The following TCERG1L variants were observed in gnomAD, a reference collection of about 807,000 sequenced individuals.
TCERG1L encodes transcription elongation regulator 1 like.
TCERG1L carries 37 observed loss-of-function variants against 56.3 expected under a neutral mutation model. The observed-to-expected ratio is 0.66, with a 90% CI of 0.51 to 0.87. The LOEUF (loss-of-function observed/expected upper bound fraction) is 0.87. TCERG1L is among the 40% of genes least tolerant of loss of function. The pLI is 0.00. For synonymous variants in TCERG1L, 324 were observed against 326.3 expected (o/e 0.99, Z 0.08); for missense variants, 799 against 774.2 (o/e 1.03, Z -0.38).
chr10:131,214,689 G>A (rs554878926), intron 4 of TCERG1L, among the ~76,000 whole-genome samples: 4 of 152,286 alleles, frequency 2.6e-5, no homozygotes, highest in East Asian at 1.9e-4. Context: ...ATCTGAAGGC[G>A]GAGGGGTGCC....
intron 4 of TCERG1L, among the ~76,000 whole-genome samples, chr10:131,171,863 G>A (rs975811077): frequency 3.9e-5 from 6 of 152,176 alleles, no homozygotes; most frequent in African/African-American, 9.7e-5. Context: ...GAGCCACTGC[G>A]CCTGGCCCAG....
At chr10:131,133,490 G>A (rs7919857) in intron 8 of TCERG1L, among the ~76,000 whole-genome samples, 111,974 of 151,980 alleles carry the variant, frequency 0.74, 42,655 homozygotes, top group South Asian at 0.9. Flanking sequence ...CCAGGGTCCA[G>A]CGGAACGTCC....
intron 3 of TCERG1L, among the ~76,000 whole-genome samples, chr10:131,264,655 G>A (rs1223534165): frequency 6.6e-6 from 1 of 152,204 alleles, no homozygotes; most frequent in African/African-American, 2.4e-5. Context: ...CAGCACATCT[G>A]CACCCCTATC....
intron 4 of TCERG1L, among the ~76,000 whole-genome samples, chr10:131,239,628 C>T (rs1845950207): frequency 6.6e-6 from 1 of 152,208 alleles, no homozygotes; most frequent in Non-Finnish European, 1.5e-5. Context: ...TGAGGAGGGG[C>T]CCACAGGGCA....
At position 131,118,896 on chromosome 10, in the gene TCERG1L, G is replaced by T. The variant is rs978828985; in HGVS notation, c.1260-1962C>A. Among the ~76,000 whole-genome samples, 38 of 152,308 alleles carry T rather than the reference G, an allele frequency of 2.5e-4. No individual in the cohort carries two copies. The highest frequency in any genetic ancestry group is 3.4e-3 in the Middle Eastern group (1 of 294). ...GTAAGGTCTGGAAACATTTGTGGCT[G>T]CCACAACTGGGGAGATGTTACCAGC... is the stretch of plus-strand genomic sequence containing the variant. On this transcript the variant is annotated intron_variant, in intron 8 of 11. Coordinates refer to ENST00000368642, the MANE Select transcript of TCERG1L (RefSeq NM_174937.4). This position sits in a 1 kb window ranked among gnomAD's most constrained non-coding sequence, Gnocchi z 4.2.
chr10:131,201,427 A>C (rs1845433531), intron 4 of TCERG1L, among the ~76,000 whole-genome samples: 1 of 152,168 alleles, frequency 6.6e-6, no homozygotes, highest in South Asian at 2.1e-4. Context: ...CACAGCGCCA[A>C]GAGTTCCCCG....
intron 7 of TCERG1L, among the ~76,000 whole-genome samples, chr10:131,135,544 T>C (rs1845665895): frequency 6.6e-6 from 1 of 152,208 alleles, no homozygotes; most frequent in East Asian, 1.9e-4. Context: ...TCAAATCTAT[T>C]TACAGGCTTC....
intron 6 of TCERG1L, among the ~76,000 whole-genome samples, chr10:131,153,266 C>T (rs1845884411): frequency 1.3e-5 from 2 of 152,178 alleles, no homozygotes; most frequent in South Asian, 4.1e-4. Context: ...CCAGCCAGGG[C>T]AGCAGGACCC....
At chr10:131,206,135 G>A (rs541037610) in intron 4 of TCERG1L, among the ~76,000 whole-genome samples, 1 of 152,370 alleles carries the variant, frequency 6.6e-6, no homozygotes, top group Non-Finnish European at 1.5e-5. Context: ...GGAATAAGAA[G>A]TACAGGCGGA....
chr10:131,096,379 A>G (rs1001100693), intron 11 of TCERG1L, among the ~76,000 whole-genome samples: 1 of 152,240 alleles, frequency 6.6e-6, no homozygotes, highest in African/African-American at 2.4e-5. Context: ...CACAAGTTGC[A>G]GGCAACAGGA....
intron 3 of TCERG1L, among the ~76,000 whole-genome samples, chr10:131,264,923 G>T (rs912579309): frequency 3.6e-4 from 55 of 151,774 alleles, no homozygotes; most frequent in African/African-American, 1.3e-3. Flanking sequence ...GATCACTCTG[G>T]CTCTAGACCT....
At chr10:131,292,511 T>A (rs904508350) in intron 3 of TCERG1L, among the ~76,000 whole-genome samples, 1 of 152,248 alleles carries the variant, frequency 6.6e-6, no homozygotes, top group African/African-American at 2.4e-5. Flanking sequence ...AATTTTAGTT[T>A]CCATTTTTTC....
chr10:131,105,721 G>A (rs1010379002), intron 9 of TCERG1L, among the ~76,000 whole-genome samples: 1 of 151,662 alleles, frequency 6.6e-6, no homozygotes, highest in Non-Finnish European at 1.5e-5. Context: ...GGAGGGGGGT[G>A]GGAATACTCG....
At chr10:131,308,752 C>T (rs531985822) in intron 2 of TCERG1L, among the ~76,000 whole-genome samples, 59 of 152,010 alleles carry the variant, frequency 3.9e-4, no homozygotes, top group Non-Finnish European at 7.8e-4. Context: ...AATTTGAACC[C>T]GAAAGCCAAA....
At chr10:131,097,580 C>A (rs1164758613) in intron 11 of TCERG1L, among the ~76,000 whole-genome samples, 1 of 152,120 alleles carries the variant, frequency 6.6e-6, no homozygotes, top group African/African-American at 2.4e-5. Context: ...ATCTCCTGAC[C>A]TCGTGATCCA....
At chr10:131,196,303 C>T (rs1468251739) in intron 4 of TCERG1L, among the ~76,000 whole-genome samples, 1 of 152,114 alleles carries the variant, frequency 6.6e-6, no homozygotes, top group Non-Finnish European at 1.5e-5. Context: ...GATCACTGTC[C>T]CTGCTTGAAC....
intron 6 of TCERG1L, among the ~76,000 whole-genome samples, chr10:131,147,474 A>G: frequency 6.6e-6 from 1 of 152,172 alleles, no homozygotes; most frequent in East Asian, 1.9e-4. Flanking sequence ...CAAGCGCGGC[A>G]GATAAAGGCC....
chr10:131,204,187 G>A (rs1332275178), intron 4 of TCERG1L, among the ~76,000 whole-genome samples: 1 of 152,236 alleles, frequency 6.6e-6, no homozygotes, highest in African/African-American at 2.4e-5. Flanking sequence ...CCTAGCTAGG[G>A]TCTTGGCAGC....
intron 4 of TCERG1L, among the ~76,000 whole-genome samples, chr10:131,175,929 T>C (rs1467859765): frequency 6.6e-6 from 1 of 152,194 alleles, no homozygotes; most frequent in African/African-American, 2.4e-5. Context: ...AGCCATCATT[T>C]AAAACATTTT....
Sources: gnomAD v4.1 joint callset for allele counts (sites outside exome capture counted in the v4.1 genomes callset) on GRCh38, gnomAD v4.1.1 for gene constraint, Gnocchi (gnomAD v3.1) non-coding constraint, MANE v1.5 for transcripts, NCBI Gene and HGNC (gene_info 2026-07-23, HGNC 2026-07-21) for gene names.